The following ADAMTS17 variants were observed in gnomAD, a reference collection of about 807,000 sequenced individuals.
ADAMTS17 encodes the protein ADAM metallopeptidase with thrombospondin type 1 motif 17, also known as A disintegrin and metalloproteinase with thrombospondin motifs 17.
ADAMTS17 carries 113 observed loss-of-function variants against 141.5 expected under a neutral mutation model. The observed-to-expected ratio is 0.80, with a 90% confidence interval of 0.69 to 0.93. The LOEUF (loss-of-function observed/expected upper bound fraction) is 0.93, where lower values mean the gene tolerates loss of function less well. Ranked by LOEUF, ADAMTS17 falls within the 40% of genes least tolerant of loss-of-function variation. ADAMTS17 has a pLI of 0.00. For synonymous variants in ADAMTS17, 768 were observed against 630.6 expected, an observed-to-expected ratio of 1.22 and a Z score of -3.27; for missense variants, 1,659 against 1,517.9, an observed-to-expected ratio of 1.09 and a Z score of -1.54.
At chr15:100,108,371 T>G (rs2141092305) in intron 14 of ADAMTS17, among the ~76,000 whole-genome samples, 1 of 152,300 alleles carries the variant, frequency 6.6e-6, no homozygotes, top group South Asian at 2.1e-4. Flanking sequence ...AGACTGAGTT[T>G]CACCCTGTTG....
intron 3 of ADAMTS17, among the ~76,000 whole-genome samples, chr15:100,294,376 T>G (rs931178094): frequency 1.3e-5 from 2 of 152,084 alleles, no homozygotes; most frequent in African/African-American, 2.4e-5. Flanking sequence ...GCAGGAGGCA[T>G]GAAATAACTT....
At chr15:100,110,717 A>ATCTT (rs1223103466) in intron 13 of ADAMTS17, among the ~76,000 whole-genome samples, 27 of 152,230 alleles carry the variant, frequency 1.8e-4, no homozygotes, top group African/African-American at 6.0e-4. Context: ...AGAGTCAAAG[A>ATCTT]CCTTCATCCT....
intron 14 of ADAMTS17, among the ~76,000 whole-genome samples, chr15:100,101,737 G>C (rs778691864): frequency 4.6e-5 from 7 of 152,204 alleles, no homozygotes; most frequent in Non-Finnish European, 8.8e-5. Flanking sequence ...TCTCATATTT[G>C]AATTGGGACT....
At chr15:100,255,724 G>T (rs1442949618) in intron 6 of ADAMTS17, among the ~76,000 whole-genome samples, 1 of 151,918 alleles carries the variant, frequency 6.6e-6, no homozygotes, top group African/African-American at 2.4e-5. Flanking sequence ...TCTAAGCTGG[G>T]CAAAGGGAGA....
At chr15:100,140,443 T>A in intron 10 of ADAMTS17, among the ~76,000 whole-genome samples, 1 of 144,012 alleles carries the variant, frequency 6.9e-6, no homozygotes, top group Admixed American at 7.0e-5. Flanking sequence ...TAGTCCTGAC[T>A]AACTCCAAGA....
chr15:100,025,162 C>T (rs558125674), intron 18 of ADAMTS17, among the ~76,000 whole-genome samples: 6 of 152,268 alleles, frequency 3.9e-5, no homozygotes, highest in African/African-American at 1.4e-4. Flanking sequence ...ATATTCATAA[C>T]TGTTATATTT....
intron 8 of ADAMTS17, among the ~76,000 whole-genome samples, chr15:100,178,697 C>T (rs1285604123): frequency 2.0e-5 from 3 of 152,140 alleles, no homozygotes; most frequent in African/African-American, 4.8e-5. Context: ...CTACCATTTT[C>T]TTTGGAGAGC....
chr15:100,155,141 T>C lies in ADAMTS17; in HGVS notation c.1322+39A>G, dbSNP rs777635401. Reference sequence around the variant, plus strand: ...ATACTTTTGTCTTTTGGAAGTACTTTTGATTGCATTCATCCTATAGAATAA... The same window carrying C: ...ATACTTTTGTCTTTTGGAAGTACTTCTGATTGCATTCATCCTATAGAATAA... On this transcript the variant is annotated intron_variant, in intron 9 of 21. Transcript: ENST00000268070. 1.8e-5 allele frequency: 29 copies of C among 1,613,996 alleles called. No individual in the cohort carries two copies. The Middle Eastern group carries it at 4.9e-4, about 27-fold the overall frequency.
chr15:100,124,859 A>G (rs9672912), intron 12 of ADAMTS17, among the ~76,000 whole-genome samples: 92,435 of 152,012 alleles, frequency 0.61, 28,339 homozygotes, highest in Admixed American at 0.72. Context: ...TGGAGTCCTC[A>G]GGGCCTTGAT....
chr15:100,138,144 T>C (rs575658715), intron 10 of ADAMTS17, among the ~76,000 whole-genome samples: 2 of 144,164 alleles, frequency 1.4e-5, no homozygotes, highest in East Asian at 2.1e-4. Flanking sequence ...GGAAGGGTGT[T>C]TACCAGTTCT....
chr15:100,142,215 G>A (rs574672837), intron 10 of ADAMTS17, among the ~76,000 whole-genome samples: 1 of 152,340 alleles, frequency 6.6e-6, no homozygotes, highest in Non-Finnish European at 1.5e-5. Context: ...AAACTTTGTT[G>A]TCCCAAGGTA....
At chr15:100,102,718 G>C (rs370392222) in intron 14 of ADAMTS17, among the ~76,000 whole-genome samples, 7 of 152,132 alleles carry the variant, frequency 4.6e-5, no homozygotes, top group South Asian at 2.1e-4. Context: ...CAGAAGGCTG[G>C]GCACCGTCCT....
At chr15:100,335,524 T>C (rs1442689353) in intron 2 of ADAMTS17, among the ~76,000 whole-genome samples, 3 of 152,146 alleles carry the variant, frequency 2.0e-5, no homozygotes, top group Non-Finnish European at 4.4e-5. Context: ...AGGGCCTGCA[T>C]TGTCTTTCTC....
intron 3 of ADAMTS17, among the ~76,000 whole-genome samples, chr15:100,292,416 T>TA (rs2044671995): frequency 1.7e-5 from 2 of 116,474 alleles, no homozygotes; most frequent in African/African-American, 6.7e-5. Flanking sequence ...CTCACCCCGT[T>TA]AGAGACACTC....
In ADAMTS17 at chr15:99,993,997, A is replaced by G. The variant is rs2060744323; in HGVS notation, c.2797-797T>C. On this transcript the variant is annotated intron_variant, in intron 19 of 21. Coordinates refer to ENST00000268070, the MANE Select transcript of ADAMTS17 (RefSeq NM_139057.4). The surrounding 1 kb of genome is among the most constrained non-coding windows in gnomAD (Gnocchi z 4.3). ...CAGGGTGTCAACACAGCAGACAGGC[A>G]CTCTGGAGTGCGTCTGGAGCCTGCT... Among the ~76,000 whole-genome samples the G allele has an allele frequency of 6.6e-6, 1 of 152,000 alleles. No homozygotes were observed. Among genetic ancestry groups the G allele is most frequent in the East Asian group, 1.9e-4 (1 of 5,178 alleles).
chr15:100,167,086 G>T (rs61290737), intron 8 of ADAMTS17, among the ~76,000 whole-genome samples: 1 of 152,300 alleles, frequency 6.6e-6, no homozygotes, highest in East Asian at 1.9e-4. Context: ...TAGTGTGACC[G>T]AGGAACTAAT....
intron 3 of ADAMTS17, among the ~76,000 whole-genome samples, chr15:100,281,610 A>G (rs1308301314): frequency 1.3e-5 from 2 of 152,178 alleles, no homozygotes; most frequent in African/African-American, 4.8e-5. Flanking sequence ...GGTAACAGCT[A>G]TGAGGCCAGA....
At chr15:100,094,577 C>T (rs114432067) in intron 15 of ADAMTS17, among the ~76,000 whole-genome samples, 4,517 of 152,308 alleles carry the variant, frequency 0.03, 231 homozygotes, top group African/African-American at 0.1. Context: ...TAGTGTTCTA[C>T]ATACAGAGTT....
rs551296811 is a variant in ADAMTS17 at position 99,972,637 on chromosome 15, G to C, written c.*1765C>G. ...GGGAGGACAGCAGTCTGCGCAGGCC[G>C]CGGGGCGAGGGTGGGCCGCTCCATC... On this transcript the variant is annotated 3_prime_UTR_variant, in exon 22 of 22. Coordinates refer to ENST00000268070, the MANE Select transcript of ADAMTS17 (RefSeq NM_139057.4). 2 of 152,166 alleles carry C rather than the reference G, an allele frequency of 1.3e-5. No individual in the cohort carries two copies. Among genetic ancestry groups the C allele is most frequent in the Admixed American group, 6.5e-5 (1 of 15,290 alleles). The allele number at this position is 152,166 out of a possible 1,614,324, so 9.4% of individuals were successfully genotyped here. A position where few individuals can be genotyped will look rare whatever the true frequency, so the allele number is the denominator to read the frequency against.
Sources: gnomAD v4.1 joint callset for allele counts (sites outside exome capture counted in the v4.1 genomes callset) on GRCh38, gnomAD v4.1.1 for gene constraint, Gnocchi (gnomAD v3.1) non-coding constraint, MANE v1.5 for transcripts, NCBI Gene and HGNC (gene_info 2026-07-23, HGNC 2026-07-21) for gene names.